Variants in PPP1R15A observed in about 807,000 individuals in gnomAD.
PPP1R15A encodes protein phosphatase 1 regulatory subunit 15A, also known as growth arrest and DNA damage-inducible protein GADD34.
A neutral mutation model predicts 48.5 loss-of-function variants in PPP1R15A; 43 were observed. That is an observed-to-expected ratio of 0.89 (90% CI 0.69 to 1.14). The LOEUF (loss-of-function observed/expected upper bound fraction) is 1.14. Among genes scored for constraint, PPP1R15A ranks in the 50% most tolerant of loss-of-function variants. The pLI, the probability that PPP1R15A is intolerant of heterozygous loss-of-function variation, is 0.00. For missense variants in PPP1R15A, 868 were observed against 847.2 expected, an observed-to-expected ratio of 1.02 and a Z score of -0.30; for synonymous variants, 327 against 327.4, an observed-to-expected ratio of 1.00 and a Z score of 0.01.
chr19:48,872,427 A>G lies in PPP1R15A; in HGVS notation c.-234A>G, dbSNP rs1464428267. The G allele has an allele frequency of 4.4e-6, 2 of 456,290 alleles. No homozygotes were observed. Among genetic ancestry groups the G allele is most frequent in the Non-Finnish European group, 8.8e-6 (2 of 226,786 alleles). The allele number at this position is 456,290 out of a possible 1,614,324, so 28.3% of individuals were successfully genotyped here. Reference sequence around the variant, plus strand: ...AGTGGCCATTGTGTTCGTTGCTCTTATCGGTTCCCATCCCAGTTGTTGATC... The same window carrying G: ...AGTGGCCATTGTGTTCGTTGCTCTTGTCGGTTCCCATCCCAGTTGTTGATC... On this transcript the variant is annotated 5_prime_UTR_variant, in exon 1 of 3. Transcript: ENST00000200453.
chr19:48,874,729 G>C lies in PPP1R15A; in HGVS notation c.1496G>C (p.Trp499Ser). The stretch of plus-strand genomic sequence containing the variant: ...GAGGAAGAGGAAGCTGCTGAGGACT[G>C]GGGAGAAGCTGAGCCCTGCCCCTTC... ...ETEEEEAAED[W>S]GEAEPCPFRV... Residue 499 changes from tryptophan (W) to serine (S), a missense_variant, in exon 2 of 3, where the codon TGG (tryptophan) becomes TCG (serine). By Grantham distance (177) the Trp-to-Ser change is radical. Coordinates refer to ENST00000200453, the MANE Select transcript of PPP1R15A (RefSeq NM_014330.5). 3 of 1,613,900 alleles carry C rather than the reference G, an allele frequency of 1.9e-6. No individual in the cohort carries two copies. The highest frequency in any genetic ancestry group is 2.5e-6 in the Non-Finnish European group (3 of 1,179,958).
Position 48,872,463 on chromosome 19 carries a change from C to A in PPP1R15A, c.-198C>A, listed in dbSNP as rs912862517. 1 of 456,390 alleles carries A rather than the reference C, an allele frequency of 2.2e-6. No individual in the cohort carries two copies. The highest frequency in any genetic ancestry group is 1.5e-5 in the South Asian group (1 of 64,558). The allele number at this position is 456,390 out of a possible 1,614,324, so 28.3% of individuals were successfully genotyped here. A position where few individuals can be genotyped will look rare whatever the true frequency, so the allele number is the denominator to read the frequency against. Reference sequence around the variant, plus strand: ...TCCCAGTTGTTGATCTTATGCAAGACGCTGCACGACCCCGCGCCCGCTTGT... The same window carrying A: ...TCCCAGTTGTTGATCTTATGCAAGAAGCTGCACGACCCCGCGCCCGCTTGT... On this transcript the variant is annotated 5_prime_UTR_variant, in exon 1 of 3. Transcript: ENST00000200453.
Position 48,875,659 on chromosome 19 carries a change from GC to G in PPP1R15A, c.1712del (p.Ala571GlufsTer33). 1 of 1,609,242 alleles carries G rather than the reference GC, an allele frequency of 6.2e-7. No homozygotes were observed. The highest frequency in any genetic ancestry group is 8.5e-7 in the Non-Finnish European group (1 of 1,178,396). On this transcript the variant is annotated frameshift_variant, in exon 3 of 3. Coordinates refer to ENST00000200453, the MANE Select transcript of PPP1R15A (RefSeq NM_014330.5). LOFTEE classifies it low-confidence loss of function (END_TRUNC). ...KVTVHFLAVW[A>X]GPAQAARQGP... ...CACTGTCCATTTCCTGGCTGTCTGG[GC>G]AGGGCCGGCCCAGGCCGCCCGCCAG... is the stretch of plus-strand genomic sequence containing the variant.
Position 48,874,458 on chromosome 19 carries a change from T to G in PPP1R15A, c.1225T>G (p.Ser409Ala). ...GGAAGATGAGGACAGTGATACAGGA[T>G]CAGCCGAGGATGAAAGAGAAGCTGA... ...EEEDEDSDTG[S>A]AEDEREAETS... is the part of the protein sequence containing the mutation. Residue 409 changes from serine (S) to alanine (A), a missense_variant, in exon 2 of 3, where the codon TCA becomes GCA. By Grantham distance (99) the Ser-to-Ala change is moderately conservative. Transcript: ENST00000200453. 1 of 1,609,182 alleles carries G rather than the reference T, an allele frequency of 6.2e-7. No individual in the cohort carries two copies. Among genetic ancestry groups the G allele is most frequent in the Non-Finnish European group, 8.5e-7 (1 of 1,178,910 alleles).
In PPP1R15A at chr19:48,875,997, TA is replaced by T. The variant is rs761422376; in HGVS notation, c.*25del. 2 of 1,522,702 alleles carry T rather than the reference TA, an allele frequency of 1.3e-6. No homozygotes were observed. The highest frequency in any genetic ancestry group is 4.6e-5 in the East Asian group (2 of 43,840). 94.3% of individuals were successfully genotyped at this position (1,522,702 alleles called of 1,614,324 possible). On this transcript the variant is annotated 3_prime_UTR_variant, in exon 3 of 3. Transcript: ENST00000200453. ...GAGACCAACTGGTTTGCCTATAATT[TA>T]TTAACTATTTATTTTTTCTAAGTGT...
At position 48,875,899 on chromosome 19, in the gene PPP1R15A, C is replaced by G. The variant is rs370969118; in HGVS notation, c.1951C>G (p.Gln651Glu). 6.2e-7 allele frequency: 1 copy of G among 1,613,966 alleles called. No homozygotes were observed. The highest frequency in any genetic ancestry group is 8.5e-7 in the Non-Finnish European group (1 of 1,179,962). Residue 651 changes from glutamine (Q) to glutamate (E), a missense_variant, in exon 3 of 3, where the codon CAA becomes GAA. Gln to Glu is a conservative substitution (Grantham distance 29). Coordinates refer to ENST00000200453, the MANE Select transcript of PPP1R15A (RefSeq NM_014330.5). ...CCCAGTCCAGACCACGCCCTTGAGC[C>G]AAGCTGTGGCCACACCTTCCCGCTC... ...SSPVQTTPLS[Q>E]AVATPSRSSA...
Position 48,874,111 on chromosome 19 carries a change from C to T in PPP1R15A, c.878C>T (p.Pro293Leu), listed in dbSNP as rs771896009. Residue 293 changes from proline to leucine, a missense_variant, in exon 2 of 3, where the codon CCA becomes CTA. Transcript: ENST00000200453. Reference protein sequence around the residue: ...EAAPGPQSSAPAQRPQLKSWW... With the variant: ...EAAPGPQSSALAQRPQLKSWW... ...GCCCCAGGGCCGCAATCCTCAGCCC[C>T]AGCCCAGAGGCCCCAGCTCAAGTCC... 2 of 1,614,190 alleles carry T rather than the reference C, an allele frequency of 1.2e-6. No individual in the cohort carries two copies. Among genetic ancestry groups the T allele is most frequent in the Non-Finnish European group, 1.7e-6 (2 of 1,180,026 alleles).
In PPP1R15A at chr19:48,874,553, G is replaced by A. The variant is rs140767023; in HGVS notation, c.1320G>A (p.Thr440=). 8.5e-5 allele frequency: 137 copies of A among 1,613,682 alleles called. No homozygotes were observed. In the African/African-American group the frequency reaches 1.5e-3, roughly 18 times the overall value. The change falls in exon 2 of 3, where the codon ACG becomes ACA. Residue 440 remains threonine (T), a synonymous_variant. Coordinates refer to ENST00000200453, the MANE Select transcript of PPP1R15A (RefSeq NM_014330.5). ...KAWVYRPGED[T]EEEEDEDVDS... ...GGGTGTATCGGCCAGGAGAGGACAC[G>A]GAGGAGGAGGAAGATGAGGATGTGG...
chr19:48,874,110 C>G lies in PPP1R15A; in HGVS notation c.877C>G (p.Pro293Ala). 6.2e-7 allele frequency: 1 copy of G among 1,614,168 alleles called. No homozygotes were observed. Among genetic ancestry groups the G allele is most frequent in the Non-Finnish European group, 8.5e-7 (1 of 1,180,004 alleles). ...EAAPGPQSSA[P>A]AQRPQLKSWW... ...TGCCCCAGGGCCGCAATCCTCAGCC[C>G]CAGCCCAGAGGCCCCAGCTCAAGTC... is the stretch of plus-strand genomic sequence containing the variant. Residue 293 changes from proline (P) to alanine (A), a missense_variant, in exon 2 of 3, where the codon CCA becomes GCA. Physicochemically the swap from Pro to Ala is conservative, Grantham distance 27. Transcript: ENST00000200453.
chr19:48,872,492 C>T lies in PPP1R15A; in HGVS notation c.-169C>T, dbSNP rs1568562428. On this transcript the variant is annotated 5_prime_UTR_variant, in exon 1 of 3. Transcript: ENST00000200453. ...GCACGACCCCGCGCCCGCTTGTCGC[C>T]ACGGCACTTGAGGCAGCCGGAGATA... 1 of 456,506 alleles carries T rather than the reference C, an allele frequency of 2.2e-6. No individual in the cohort carries two copies. The highest frequency in any genetic ancestry group is 2.0e-5 in the African/African-American group (1 of 50,208). 28.3% of individuals were successfully genotyped at this position (456,506 alleles called of 1,614,324 possible). A position where few individuals can be genotyped will look rare whatever the true frequency, so the allele number is the denominator to read the frequency against.
At chr19:48,872,805 T>C (rs967099389) in intron 1 of PPP1R15A, among the ~76,000 whole-genome samples, 154 bp downstream of exon 1, 1 of 151,884 alleles carries the variant, frequency 6.6e-6, no homozygotes, top group Admixed American at 6.6e-5. Context: ...ATCTGCCAAG[T>C]AGGGGGTCGG....
At position 48,874,489 on chromosome 19, in the gene PPP1R15A, C is replaced by A. The variant is rs372040847; in HGVS notation, c.1256C>A (p.Ser419Tyr). 22 of 1,613,718 alleles carry A rather than the reference C, an allele frequency of 1.4e-5. No individual in the cohort carries two copies. The highest frequency in any genetic ancestry group is 3.3e-5 in the Admixed American group (2 of 59,972). The change falls in exon 2 of 3, where the codon TCT becomes TAT. Residue 419 changes from serine (S) to tyrosine (Y), a missense_variant. Ser to Tyr is a moderately radical substitution (Grantham distance 144, BLOSUM62 -2). Transcript: ENST00000200453. Reference protein sequence around the residue: ...SAEDEREAETSASTPPASAFL... With the variant: ...SAEDEREAETYASTPPASAFL... ...GAGGATGAAAGAGAAGCTGAGACTT[C>A]TGCTTCCACACCCCCTGCAAGTGCT...
chr19:48,874,784 G>T lies in PPP1R15A; in HGVS notation c.1551G>T (p.Lys517Asn). Residue 517 changes from lysine (K) to asparagine (N), a missense_variant, in exon 2 of 3, where the codon AAG becomes AAT. Physicochemically the swap from Lys to Asn is moderately conservative, Grantham distance 94 (BLOSUM62 0). Coordinates refer to ENST00000200453, the MANE Select transcript of PPP1R15A (RefSeq NM_014330.5). The part of the protein sequence containing the change: ...FRVAIYVPGE[K>N]PPPPWAPPRL... The stretch of plus-strand genomic sequence containing the variant: ...TGGCCATCTATGTACCTGGAGAGAA[G>T]CCACCGCCTCCCTGGGCTCCTCCTA... 1 of 1,614,066 alleles carries T rather than the reference G, an allele frequency of 6.2e-7. No homozygotes were observed. Among genetic ancestry groups the T allele is most frequent in the East Asian group, 2.2e-5 (1 of 44,882 alleles).
Position 48,874,152 on chromosome 19 carries a change from A to G in PPP1R15A, c.919A>G (p.Ser307Gly). The change falls in exon 2 of 3, where the codon AGT (serine) becomes GGT (glycine). Residue 307 changes from serine to glycine, a missense_variant. Coordinates refer to ENST00000200453, the MANE Select transcript of PPP1R15A (RefSeq NM_014330.5). ...GCTCAAGTCCTGGTGGTGCCAACCC[A>G]GTGATGAAGAGGAGGGTGAGGTCAA... ...PQLKSWWCQP[S>G]DEEEGEVKAL... 6.2e-7 allele frequency: 1 copy of G among 1,614,076 alleles called. No homozygotes were observed. The highest frequency in any genetic ancestry group is 8.5e-7 in the Non-Finnish European group (1 of 1,180,020).
rs1363711841 is a variant in PPP1R15A at position 48,875,640 on chromosome 19, C to G, written c.1692C>G (p.Val564=). 3.1e-6 allele frequency: 5 copies of G among 1,605,972 alleles called. No homozygotes were observed. The highest frequency in any genetic ancestry group is 3.4e-6 in the Non-Finnish European group (4 of 1,176,678). The part of the protein sequence containing the change: ...RKVRFSEKVT[V]HFLAVWAGPA... ...TGCGCTTCTCCGAGAAGGTCACTGT[C>G]CATTTCCTGGCTGTCTGGGCAGGGC... is the stretch of plus-strand genomic sequence containing the variant. The change falls in exon 3 of 3, where the codon GTC becomes GTG. Residue 564 remains valine (V), a synonymous_variant. Coordinates refer to ENST00000200453, the MANE Select transcript of PPP1R15A (RefSeq NM_014330.5).
At position 48,874,637 on chromosome 19, in the gene PPP1R15A, A is replaced by G. The variant is rs1335206079; in HGVS notation, c.1404A>G (p.Pro468=). ...EAALGEAESD[P]HPSHPDQRAH... ...CCTTGGGAGAAGCTGAGTCAGACCC[A>G]CATCCCTCCCACCCGGACCAGAGGG... is the stretch of plus-strand genomic sequence containing the variant. Residue 468 remains proline (P), a synonymous_variant, in exon 2 of 3, where the codon CCA becomes CCG. Coordinates refer to ENST00000200453, the MANE Select transcript of PPP1R15A (RefSeq NM_014330.5). The G allele has an allele frequency of 6.2e-7, 1 of 1,613,974 alleles. No homozygotes were observed. Among genetic ancestry groups the G allele is most frequent in the Admixed American group, 1.7e-5 (1 of 60,014 alleles).
chr19:48,875,077 A>G (rs2037064842), intron 2 of PPP1R15A, 179 bp downstream of exon 2: 2 of 699,042 alleles, frequency 2.9e-6, no homozygotes. Flanking sequence ...CAGGCGCATG[A>G]CACCACACCC....
At position 48,874,665 on chromosome 19, in the gene PPP1R15A, C is replaced by T. The variant is rs768483325; in HGVS notation, c.1432C>T (p.His478Tyr). 6.2e-7 allele frequency: 1 copy of T among 1,613,832 alleles called. No homozygotes were observed. The highest frequency in any genetic ancestry group is 8.5e-7 in the Non-Finnish European group (1 of 1,179,812). The change falls in exon 2 of 3, where the codon CAC becomes TAC. Residue 478 changes from histidine (H) to tyrosine (Y), a missense_variant. Transcript: ENST00000200453. ...TCCCTCCCACCCGGACCAGAGGGCC[C>T]ACTTCAGGGGCTGGGGATATCGACC... ...PHPSHPDQRA[H>Y]FRGWGYRPGK...
At chr19:48,872,978 G>T (rs2037026487) in intron 1 of PPP1R15A, among the ~76,000 whole-genome samples, 1 of 151,988 alleles carries the variant, frequency 6.6e-6, no homozygotes. Context: ...TGAAGAAAGA[G>T]AGGGCTGGGG....
Sources: gnomAD v4.1 joint callset for allele counts (sites outside exome capture counted in the v4.1 genomes callset) on GRCh38, gnomAD v4.1.1 for gene constraint, MANE v1.5 for transcripts, NCBI Gene and HGNC (gene_info 2026-07-23, HGNC 2026-07-21) for gene names.